Variants in MAF observed in about 807,000 individuals in gnomAD.
MAF encodes MAF bZIP transcription factor, also known as transcription factor Maf.
In MAF, 10 loss-of-function variants were observed where a neutral mutation model predicts 22.0. That is an observed-to-expected ratio of 0.45 (90% CI 0.28 to 0.77). The LOEUF is 0.77. Ranked by LOEUF, MAF falls within the 30% of genes least tolerant of loss-of-function variation. MAF has a pLI of 0.12. For missense variants in MAF, 544 were observed against 548.4 expected, an observed-to-expected ratio of 0.99 and a Z score of 0.08; for synonymous variants, 337 against 255.8, an observed-to-expected ratio of 1.32 and a Z score of -3.03.
At chr16:79,332,304 TA>T in the MAF span, among the ~76,000 whole-genome samples, 1 of 151,856 alleles carries the variant, frequency 6.6e-6, no homozygotes, top group Non-Finnish European at 1.5e-5. Context: ...ATAATAATAA[TA>T]TTTTTTTTTT....
At chr16:79,361,898 C>T in the MAF span, among the ~76,000 whole-genome samples, 6 of 152,274 alleles carry the variant, frequency 3.9e-5, no homozygotes, top group East Asian at 5.8e-4. Context: ...GCAGACAGAA[C>T]GTTTGTCCTG....
the MAF span, among the ~76,000 whole-genome samples, chr16:79,299,485 A>G: frequency 6.6e-6 from 1 of 152,244 alleles, no homozygotes; most frequent in East Asian, 1.9e-4. Flanking sequence ...CTGTGCAGAC[A>G]AGCGGGTGGC....
intron 1 of MAF, chr16:79,596,903 A>G (rs898296331): frequency 9.5e-7 from 1 of 1,049,512 alleles, no homozygotes; most frequent in African/African-American, 1.7e-5. Context: ...TTTGTATTAT[A>G]TGCTTGCAGG....
the MAF span, among the ~76,000 whole-genome samples, chr16:79,394,068 C>G: frequency 3.7e-4 from 57 of 152,262 alleles, no homozygotes; most frequent in African/African-American, 1.4e-3. Context: ...GCATGTTCTT[C>G]TAAAGTTCAC....
At chr16:79,270,575 T>C in the MAF span, among the ~76,000 whole-genome samples, 4 of 152,318 alleles carry the variant, frequency 2.6e-5, no homozygotes, top group South Asian at 2.1e-4. Context: ...AGCCCCATCA[T>C]TGCTTAGGTA....
At chr16:79,282,221 C>T in the MAF span, among the ~76,000 whole-genome samples, 4 of 152,094 alleles carry the variant, frequency 2.6e-5, no homozygotes, top group South Asian at 2.1e-4. Context: ...TGGGGACACC[C>T]GTGGTTTCAA....
the MAF span, among the ~76,000 whole-genome samples, chr16:79,249,235 C>T: frequency 4.6e-5 from 7 of 152,114 alleles, no homozygotes; most frequent in Non-Finnish European, 1.0e-4. Flanking sequence ...GCCTGACCAA[C>T]ATGAAGAAAC....
chr16:79,215,860 G>A, the MAF span, among the ~76,000 whole-genome samples: 3 of 152,130 alleles, frequency 2.0e-5, 1 homozygote, highest in Non-Finnish European at 4.4e-5. Flanking sequence ...TTTATCAGAA[G>A]TTATCTACGT....
chr16:79,236,078 G>A, the MAF span, among the ~76,000 whole-genome samples: 1 of 152,220 alleles, frequency 6.6e-6, no homozygotes, highest in East Asian at 1.9e-4. Context: ...CATGCTAGCT[G>A]AACCTTGGCT....
chr16:79,545,114 A>G, the MAF span, among the ~76,000 whole-genome samples: 4 of 152,300 alleles, frequency 2.6e-5, no homozygotes, highest in African/African-American at 7.2e-5. Flanking sequence ...AACTCCTGGA[A>G]TATTAAATAG....
the MAF span, among the ~76,000 whole-genome samples, chr16:79,226,154 A>T: frequency 2.6e-5 from 4 of 152,248 alleles, no homozygotes; most frequent in African/African-American, 9.6e-5. Flanking sequence ...GATAGACTGG[A>T]TAAAGAAAAT....
At chr16:79,269,722 C>T in the MAF span, among the ~76,000 whole-genome samples, 53 of 152,266 alleles carry the variant, frequency 3.5e-4, no homozygotes, top group African/African-American at 1.1e-3. Context: ...CTGTCCCTGC[C>T]TCTCAGACTT....
At chr16:79,455,866 A>C in the MAF span, among the ~76,000 whole-genome samples, 1 of 152,004 alleles carries the variant, frequency 6.6e-6, no homozygotes, top group African/African-American at 2.4e-5. Context: ...AAAAATACAA[A>C]AGTTAGCCGG....
downstream of MAF, among the ~76,000 whole-genome samples, chr16:79,582,019 C>T (rs1413274044): frequency 2.0e-5 from 3 of 152,094 alleles, no homozygotes; most frequent in African/African-American, 7.2e-5. Context: ...ATACAGAAAA[C>T]AGAGGCGTGC....
the MAF span, among the ~76,000 whole-genome samples, chr16:79,453,731 C>T: frequency 3.3e-5 from 5 of 152,306 alleles, no homozygotes; most frequent in African/African-American, 1.2e-4. Flanking sequence ...ATTTGAACAG[C>T]ACCAATAGAA....
chr16:79,233,073 C>A, the MAF span, among the ~76,000 whole-genome samples: 1 of 151,848 alleles, frequency 6.6e-6, no homozygotes, highest in African/African-American at 2.4e-5. Flanking sequence ...ATCTCCTGAC[C>A]TCATGATCTG....
the MAF span, among the ~76,000 whole-genome samples, chr16:79,357,260 A>G: frequency 7.6e-6 from 1 of 130,756 alleles, no homozygotes; most frequent in African/African-American, 3.6e-5. Flanking sequence ...TGTCACAACA[A>G]CAACAACAAC....
chr16:79,531,870 G>A, the MAF span, among the ~76,000 whole-genome samples: 9 of 147,318 alleles, frequency 6.1e-5, no homozygotes, highest in Admixed American at 1.3e-4. Flanking sequence ...TAGAAAATAG[G>A]CATCAGTGAG....
intron 1 of MAF, chr16:79,596,409 G>A (rs894355270): frequency 2.8e-6 from 3 of 1,056,950 alleles, no homozygotes; most frequent in Non-Finnish European, 3.4e-6. Context: ...TGGAGAAAAG[G>A]ATGCATTTTA....
Sources: allele counts gnomAD v4.1 joint callset (sites outside exome capture counted in the v4.1 genomes callset), GRCh38; gene constraint gnomAD v4.1.1; transcripts MANE v1.5; gene names NCBI Gene and HGNC (gene_info 2026-07-23, HGNC 2026-07-21).